Variants in PPP3CA observed in about 807,000 individuals in gnomAD.
PPP3CA encodes protein phosphatase 3 catalytic subunit alpha, also known as CAM-PRP catalytic subunit.
Under a neutral mutation model 66.5 loss-of-function variants are expected in PPP3CA, and 14 were observed. The observed-to-expected ratio is 0.21, with a 90% CI of 0.14 to 0.33. PPP3CA has a LOEUF of 0.33. Among genes scored for constraint, PPP3CA ranks in the 10% least tolerant of loss-of-function variants. The probability of loss-of-function intolerance (pLI) is 1.00; values close to 1 mark genes in which losing one functional copy is unlikely to be tolerated. For synonymous variants in PPP3CA, 232 were observed against 226.2 expected (o/e 1.03, Z -0.23); for missense variants, 317 against 639.5 (o/e 0.50, Z 5.44).
chr4:101,277,183 T>G (rs1443547302), intron 1 of PPP3CA, among the ~76,000 whole-genome samples: 1 of 152,198 alleles, frequency 6.6e-6, no homozygotes, highest in Non-Finnish European at 1.5e-5. Context: ...TTCACTTCTT[T>G]CACTTACCAA....
intron 1 of PPP3CA, among the ~76,000 whole-genome samples, chr4:101,295,420 T>TA (rs1437118726): frequency 6.6e-6 from 1 of 152,194 alleles, no homozygotes; most frequent in African/African-American, 2.4e-5. Flanking sequence ...ATCTATTTTC[T>TA]ATTTTGTACA....
At chr4:101,089,442 T>G (rs2110245774) in intron 6 of PPP3CA, among the ~76,000 whole-genome samples, 1 of 152,288 alleles carries the variant, frequency 6.6e-6, no homozygotes, top group Non-Finnish European at 1.5e-5. Context: ...CAGTAGTGAT[T>G]TGAGTGAGTT....
chr4:101,158,544 A>G (rs1473156702), intron 2 of PPP3CA, among the ~76,000 whole-genome samples: 3 of 152,336 alleles, frequency 2.0e-5, no homozygotes, highest in Admixed American at 2.0e-4. Context: ...CCTCGGTATC[A>G]TATTATAATT....
intron 1 of PPP3CA, among the ~76,000 whole-genome samples, chr4:101,222,646 A>T (rs1444794566): frequency 1.3e-5 from 2 of 151,640 alleles, no homozygotes; most frequent in Non-Finnish European, 3.0e-5. Flanking sequence ...CCAGGAATGG[A>T]TGATTCATTG....
At chr4:101,223,115 A>G (rs1363718779) in intron 1 of PPP3CA, among the ~76,000 whole-genome samples, 1 of 151,732 alleles carries the variant, frequency 6.6e-6, no homozygotes, top group Non-Finnish European at 1.5e-5. Flanking sequence ...CACTTCCCCC[A>G]TGAAGAAATG....
intron 1 of PPP3CA, among the ~76,000 whole-genome samples, chr4:101,261,160 A>G (rs1175972129): frequency 6.6e-6 from 1 of 152,142 alleles, no homozygotes; most frequent in African/African-American, 2.4e-5. Flanking sequence ...GGTACCATTC[A>G]TATCTCCTAG....
At chr4:101,209,218 A>T (rs1003992202) in intron 1 of PPP3CA, among the ~76,000 whole-genome samples, 3 of 152,190 alleles carry the variant, frequency 2.0e-5, no homozygotes, top group Admixed American at 2.0e-4. Context: ...GAAAATAAAC[A>T]ATTTTTTATG....
rs574183527 is a variant in PPP3CA at position 101,117,322 on chromosome 4, G to C, written c.260-8244C>G. Among the ~76,000 whole-genome samples, 271 of 151,718 alleles carry C rather than the reference G, an allele frequency of 1.8e-3. 3 individuals are homozygous for C. The highest frequency in any genetic ancestry group is 6.2e-3 in the African/African-American group (257 of 41,448). On this transcript the variant is annotated intron_variant, in intron 2 of 13. Coordinates refer to ENST00000394854, the MANE Select transcript of PPP3CA (RefSeq NM_000944.5). ...CATGTTAAAAACTATTTTATCAAAG[G>C]CCCAAGCATATACAATACCATCATT...
At chr4:101,225,563 A>G (rs1482425306) in intron 1 of PPP3CA, among the ~76,000 whole-genome samples, 1 of 151,834 alleles carries the variant, frequency 6.6e-6, no homozygotes, top group East Asian at 1.9e-4. Flanking sequence ...TAAATAATTT[A>G]TTGGTTCCAG....
At position 101,106,468 on chromosome 4, in the gene PPP3CA, A is replaced by AGAAAGAAG. The variant is rs1560605272; in HGVS notation, c.384+2485_384+2486insCTTCTTTC. On this transcript the variant is annotated intron_variant, in intron 3 of 13. Transcript: ENST00000394854. Reference sequence around the variant, plus strand: ...AAGAAAGAAAGAGAAAAGAAAAGAAAAGAAAAGAAAAGAAAAGAAAAGAAA... The same window carrying AGAAAGAAG: ...AAGAAAGAAAGAGAAAAGAAAAGAAAGAAAGAAGAGAAAAGAAAAGAAAAGAAAAGAAA... Among the ~76,000 whole-genome samples, 48 of 46,126 alleles carry AGAAAGAAG rather than the reference A, an allele frequency of 1.0e-3. 5 individuals are homozygous for AGAAAGAAG. Among genetic ancestry groups the AGAAAGAAG allele is most frequent in the Non-Finnish European group, 1.3e-3 (32 of 24,744 alleles). The allele number at this position is 46,126 out of a possible 152,430, so 30.3% of individuals were successfully genotyped here.
chr4:101,109,116 T>G, intron 2 of PPP3CA, 38 bp from the exon 3 acceptor site: 1 of 1,577,680 alleles, frequency 6.3e-7, no homozygotes, highest in Non-Finnish European at 8.6e-7. Context: ...TCATATTATG[T>G]TAGGACTTTG....
At position 101,252,695 on chromosome 4, in the gene PPP3CA, T is replaced by A. The variant is rs75911938; in HGVS notation, c.59-56579A>T. Reference sequence around the variant, plus strand: ...ACCCTGCTTTATGGATACTTGAAAGTATAAGAAAATTATTGGTAGTATTAA... The same window carrying A: ...ACCCTGCTTTATGGATACTTGAAAGAATAAGAAAATTATTGGTAGTATTAA... On this transcript the variant is annotated intron_variant, in intron 1 of 13. Transcript: ENST00000394854. 5.5e-4 allele frequency among the ~76,000 whole-genome samples: 84 copies of A among 152,306 alleles called. 3 individuals are homozygous for A. The East Asian group carries it at 0.015, about 28-fold the overall frequency.
intron 7 of PPP3CA, among the ~76,000 whole-genome samples, chr4:101,081,194 T>C (rs996022832): frequency 6.6e-6 from 1 of 152,110 alleles, no homozygotes; most frequent in Non-Finnish European, 1.5e-5. Context: ...ATGCAATTCC[T>C]AGATGCAGTA....
chr4:101,035,725 C>T (rs1282538094), intron 11 of PPP3CA, among the ~76,000 whole-genome samples: 2 of 152,120 alleles, frequency 1.3e-5, no homozygotes, highest in Non-Finnish European at 2.9e-5. Context: ...GACTGCCATT[C>T]CTGCCTCACA....
chr4:101,059,615 G>T lies in PPP3CA; in HGVS notation c.1156+1472C>A, dbSNP rs559670631. 8.5e-5 allele frequency among the ~76,000 whole-genome samples: 13 copies of T among 152,210 alleles called. 1 individual carries two copies. In the South Asian group the frequency reaches 2.3e-3, roughly 27 times the overall value. ...CAAGCCCAGGTAAACATTAAATCAT[G>T]TCATTTGGAAACCAACTTTTAGAAA... On this transcript the variant is annotated intron_variant, in intron 10 of 13. Transcript: ENST00000394854.
In PPP3CA at chr4:101,278,840, C is replaced by T. The variant is rs564019240; in HGVS notation, c.58+67899G>A. ...AACAATCACCCCCGTGGACATCTGG[C>T]CCCCTTTGTGCCACTGGCTATCAAA... is the stretch of plus-strand genomic sequence containing the variant. On this transcript the variant is annotated intron_variant, in intron 1 of 13. Coordinates refer to ENST00000394854, the MANE Select transcript of PPP3CA (RefSeq NM_000944.5). 2.6e-5 allele frequency among the ~76,000 whole-genome samples: 4 copies of T among 152,266 alleles called. No individual in the cohort carries two copies. In the South Asian group the frequency reaches 8.3e-4, roughly 32 times the overall value.
In PPP3CA at chr4:101,215,660, T is replaced by C. The variant is rs887932989; in HGVS notation, c.59-19544A>G. Among the ~76,000 whole-genome samples, 13 of 152,218 alleles carry C rather than the reference T, an allele frequency of 8.5e-5. No individual in the cohort carries two copies. In the Middle Eastern group the frequency reaches 0.01, roughly 119 times the overall value. ...AGAGACAAGGACTTGGTGACCATTC[T>C]AATCCTAATGTCCCTTCTAACTAAA... On this transcript the variant is annotated intron_variant, in intron 1 of 13. Coordinates refer to ENST00000394854, the MANE Select transcript of PPP3CA (RefSeq NM_000944.5).
At chr4:101,255,992 T>C (rs1174493312) in intron 1 of PPP3CA, among the ~76,000 whole-genome samples, 1 of 151,946 alleles carries the variant, frequency 6.6e-6, no homozygotes, top group African/African-American at 2.4e-5. Context: ...CTCTTTTGCC[T>C]AAACTATGGT....
intron 3 of PPP3CA, among the ~76,000 whole-genome samples, chr4:101,101,620 G>A (rs1288848551): frequency 4.0e-5 from 6 of 151,880 alleles, no homozygotes; most frequent in African/African-American, 1.5e-4. Context: ...AGGCACTTAG[G>A]CTACTTTTTT....
Sources: allele counts gnomAD v4.1 joint callset (sites outside exome capture counted in the v4.1 genomes callset), GRCh38; gene constraint gnomAD v4.1.1; transcripts MANE v1.5; gene names NCBI Gene and HGNC (gene_info 2026-07-23, HGNC 2026-07-21).